Variants in BAD observed in about 807,000 individuals in gnomAD.
The protein encoded by BAD is bcl2-associated agonist of cell death.
BAD carries 18 observed loss-of-function variants against 17.8 expected under a neutral mutation model. The observed-to-expected ratio is 1.01, with a 90% CI of 0.70 to 1.50. The LOEUF is 1.50. Ranked by LOEUF, BAD falls within the 40% of genes most tolerant of loss-of-function variation. The probability of loss-of-function intolerance (pLI) is 0.00; values close to 1 mark genes in which losing one functional copy is unlikely to be tolerated. For missense variants in BAD, 294 were observed against 239.3 expected, an observed-to-expected ratio of 1.23 and a Z score of -1.51; for synonymous variants, 112 against 91.5, an observed-to-expected ratio of 1.22 and a Z score of -1.28.
intron 2 of BAD, among the ~76,000 whole-genome samples, chr11:64,278,491 A>G (rs191414676): frequency 2.6e-5 from 4 of 152,028 alleles, no homozygotes; most frequent in Non-Finnish European, 4.4e-5. Flanking sequence ...GTTTCCAAGC[A>G]CTTTTCCTAT....
At chr11:64,280,527 A>AT (rs2033395764) in intron 2 of BAD, among the ~76,000 whole-genome samples, 1 of 139,456 alleles carries the variant, frequency 7.2e-6, no homozygotes, top group African/African-American at 2.7e-5. Context: ...AATTTTTTGT[A>AT]TTTTTAGTAG....
At chr11:64,273,531 TAA>T (rs1431157657) in intron 2 of BAD, among the ~76,000 whole-genome samples, 1 of 151,978 alleles carries the variant, frequency 6.6e-6, no homozygotes, top group Non-Finnish European at 1.5e-5. Flanking sequence ...CCCAGACCGA[TAA>T]AGACTTAGAA....
intron 3 of BAD, chr11:64,270,782 G>A: frequency 2.4e-6 from 1 of 420,290 alleles, no homozygotes; most frequent in Non-Finnish European, 4.8e-6. Context: ...GCGACAGAGC[G>A]CACAGGTGCC....
rs78600616 is a variant in BAD at position 64,278,772 on chromosome 11, A to C, written c.187+5410T>G. ...TGGCTGCAGTCCCTGCCCTGGGGAC[A>C]CCTCAGCCATCCAGCAGGGGGGCCT... On this transcript the variant is annotated intron_variant, in intron 2 of 3. Transcript: ENST00000309032. Among the ~76,000 whole-genome samples, 8 of 152,292 alleles carry C rather than the reference A, an allele frequency of 5.3e-5. No homozygotes were observed. The East Asian group carries it at 1.2e-3, about 22-fold the overall frequency.
In BAD at chr11:64,281,112, C is replaced by T. The variant is rs568808040; in HGVS notation, c.187+3070G>A. Among the ~76,000 whole-genome samples, 502 of 152,238 alleles carry T rather than the reference C, an allele frequency of 3.3e-3. 3 individuals carry two copies. Among genetic ancestry groups the T allele is most frequent in the Non-Finnish European group, 5.2e-3 (354 of 68,026 alleles). The stretch of plus-strand genomic sequence containing the variant: ...CCTCCAGAGTAGCTGGGACTACAGG[C>T]GCCCACCACCACGCCCAGAGAATTT... On this transcript the variant is annotated intron_variant, in intron 2 of 3. Transcript: ENST00000309032.
intron 3 of BAD, among the ~76,000 whole-genome samples, chr11:64,270,900 G>C (rs185521548): frequency 0.12 from 10,804 of 86,570 alleles, 1,040 homozygotes; most frequent in Non-Finnish European, 0.18. Flanking sequence ...TGCCCTGTGA[G>C]ACACACACAC....
chr11:64,273,391 C>G (rs2032786544), intron 2 of BAD, among the ~76,000 whole-genome samples: 1 of 151,812 alleles, frequency 6.6e-6, no homozygotes, highest in Non-Finnish European at 1.5e-5. Flanking sequence ...ATAATAATAA[C>G]AAAAGAAAAA....
chr11:64,270,795 C>A, intron 3 of BAD: 2 of 403,634 alleles, frequency 5.0e-6, no homozygotes, highest in South Asian at 3.5e-5. Flanking sequence ...CAGGTGCCAG[C>A]AAGGAGCACA....
In BAD at chr11:64,284,075, T is replaced by G. The variant is rs1046380528; in HGVS notation, c.187+107A>C. ...AGAGGAAACTGGGGCTCTGAGAGTTTGGGGACCGACCCAAAGCATTCAGTG... is the reference window on the plus strand; with the variant it reads ...AGAGGAAACTGGGGCTCTGAGAGTTGGGGGACCGACCCAAAGCATTCAGTG... On this transcript the variant is annotated intron_variant, in intron 2 of 3. Coordinates refer to ENST00000309032, the MANE Select transcript of BAD (RefSeq NM_032989.3). The G allele has an allele frequency of 3.7e-6, 5 of 1,359,104 alleles. No individual in the cohort carries two copies. In the Admixed American group the frequency reaches 7.2e-5, roughly 19 times the overall value. 84.2% of individuals were successfully genotyped at this position (1,359,104 alleles called of 1,614,324 possible).
intron 3 of BAD, among the ~76,000 whole-genome samples, chr11:64,271,381 T>TCACACACA (rs58303026): frequency 1.5e-3 from 90 of 60,246 alleles, no homozygotes; most frequent in East Asian, 3.5e-3. Context: ...GCCCTGTGAC[T>TCACACACA]CACACACACA....
At chr11:64,280,223 G>C (rs1161231945) in intron 2 of BAD, among the ~76,000 whole-genome samples, 1 of 150,704 alleles carries the variant, frequency 6.6e-6, no homozygotes, top group East Asian at 2.0e-4. Context: ...TGGAGGCTGA[G>C]GCAGGAGAAT....
At chr11:64,273,157 T>C (rs1044859995) in intron 2 of BAD, among the ~76,000 whole-genome samples, 12 of 151,748 alleles carry the variant, frequency 7.9e-5, no homozygotes, top group Middle Eastern at 6.9e-3. Context: ...TCACCTGAGG[T>C]CAGAAGTTCG....
intron 2 of BAD, among the ~76,000 whole-genome samples, chr11:64,283,829 C>G (rs1246024735): frequency 6.6e-6 from 1 of 152,186 alleles, no homozygotes; most frequent in African/African-American, 2.4e-5. Flanking sequence ...GAGCTGGAGT[C>G]TCCCTAAGTC....
chr11:64,277,957 C>T (rs911809712), intron 2 of BAD, among the ~76,000 whole-genome samples: 5 of 152,088 alleles, frequency 3.3e-5, no homozygotes, highest in Admixed American at 2.0e-4. Context: ...AGAATGTTCA[C>T]GTTACAAAAT....
chr11:64,272,469 G>A (rs1246771069), intron 2 of BAD, among the ~76,000 whole-genome samples: 1 of 152,184 alleles, frequency 6.6e-6, no homozygotes, highest in African/African-American at 2.4e-5. Context: ...CAGCCGGCAG[G>A]ATTGAATGCC....
intron 2 of BAD, among the ~76,000 whole-genome samples, chr11:64,272,129 G>GC (rs1277012302): frequency 2.0e-5 from 3 of 152,132 alleles, no homozygotes; most frequent in Non-Finnish European, 4.4e-5. Flanking sequence ...GACCATCCTG[G>GC]CCAACATGGT....
chr11:64,275,880 A>G (rs2033021380), intron 2 of BAD: 1 of 152,020 alleles, frequency 6.6e-6, no homozygotes, highest in Non-Finnish European at 1.5e-5. Context: ...GTATTCATTC[A>G]TTTGATCCTT....
At chr11:64,279,271 C>A (rs1248192483) in intron 2 of BAD, among the ~76,000 whole-genome samples, 3 of 151,948 alleles carry the variant, frequency 2.0e-5, no homozygotes, top group Non-Finnish European at 2.9e-5. Context: ...ACCCCAACTC[C>A]AACGATGCTG....
rs912969266 is a variant in BAD at position 64,281,580 on chromosome 11, G to C, written c.187+2602C>G. The stretch of plus-strand genomic sequence containing the variant: ...CTAGCCAGGAGCAGGTGTTGCCCTC[G>C]AGGCCTTACCATCTGCCCTTCTCTC... On this transcript the variant is annotated intron_variant, in intron 2 of 3. Transcript: ENST00000309032. Among the ~76,000 whole-genome samples the C allele has an allele frequency of 1.3e-4, 20 of 152,196 alleles. 1 individual carries two copies. The highest frequency in any genetic ancestry group is 9.8e-4 in the Admixed American group (15 of 15,292).
Sources: allele counts gnomAD v4.1 joint callset (sites outside exome capture counted in the v4.1 genomes callset), GRCh38; gene constraint gnomAD v4.1.1; transcripts MANE v1.5; gene names NCBI Gene and HGNC (gene_info 2026-07-23, HGNC 2026-07-21).